Variants in SCN11A observed in about 807,000 individuals in gnomAD.
SCN11A encodes sodium voltage-gated channel alpha subunit 11, also known as sodium channel protein type 11 subunit alpha.
In SCN11A, 122 loss-of-function variants were observed where a neutral mutation model predicts 162.2. That is an observed-to-expected ratio of 0.75 (90% CI 0.65 to 0.87). The LOEUF (loss-of-function observed/expected upper bound fraction) is 0.87. Ranked by LOEUF, SCN11A falls within the 40% of genes least tolerant of loss-of-function variation. SCN11A has a pLI of 0.00. For synonymous variants in SCN11A, 758 were observed against 751.5 expected (o/e 1.01, Z -0.14); for missense variants, 2,015 against 2,181.6 (o/e 0.92, Z 1.52).
At chr3:38,928,536 A>C (rs2066179936) in intron 7 of SCN11A, among the ~76,000 whole-genome samples, 2 of 152,198 alleles carry the variant, frequency 1.3e-5, no homozygotes, top group Admixed American at 6.5e-5. Context: ...TTACAGTAAA[A>C]TAAAATTAAA....
At chr3:39,041,429 C>T (rs1030727453) in intron 1 of SCN11A, among the ~76,000 whole-genome samples, 1 of 151,950 alleles carries the variant, frequency 6.6e-6, no homozygotes, top group African/African-American at 2.4e-5. Flanking sequence ...AAGTCAAAGA[C>T]AAAGAGAGAA....
rs1442017584 is a variant in SCN11A, at chr3:38,936,622, T to C, written c.488+8789A>G. 5.4e-3 allele frequency among the ~76,000 whole-genome samples: 814 copies of C among 151,096 alleles called. 6 individuals carry two copies. Among genetic ancestry groups the C allele is most frequent in the African/African-American group, 0.015 (630 of 41,132 alleles). On this transcript the variant is annotated intron_variant, in intron 7 of 29. Transcript: ENST00000302328. ...ATCATGAGTGAACTCCCATTCACAA[T>C]TGCTTCAAAGAGAATAAAATACCTA... is the stretch of plus-strand genomic sequence containing the variant.
At chr3:38,895,315 A>C (rs1281498343) in intron 18 of SCN11A, among the ~76,000 whole-genome samples, 4 of 152,146 alleles carry the variant, frequency 2.6e-5, no homozygotes, top group African/African-American at 9.7e-5. Flanking sequence ...GTGAGCTTTG[A>C]TTTTTGCTGG....
intron 3 of SCN11A, among the ~76,000 whole-genome samples, chr3:38,954,651 C>CA (rs57304690): frequency 0.016 from 2,415 of 151,382 alleles, 67 homozygotes; most frequent in African/African-American, 0.056. Flanking sequence ...AACAAACAAA[C>CA]AAAAAAACAA....
intron 19 of SCN11A, among the ~76,000 whole-genome samples, chr3:38,886,985 T>G (rs888209270): frequency 2.6e-5 from 4 of 152,166 alleles, no homozygotes; most frequent in Non-Finnish European, 5.9e-5. Flanking sequence ...AACCTGCATA[T>G]GTGTTACCTC....
At chr3:39,022,893 TAAATA>T (rs1299994268) in intron 2 of SCN11A, among the ~76,000 whole-genome samples, 1 of 151,528 alleles carries the variant, frequency 6.6e-6, no homozygotes, top group African/African-American at 2.4e-5. Context: ...AAAAAATAAA[TAAATA>T]AAATAAAATA....
At chr3:38,905,364 CCT>C in intron 14 of SCN11A, 43 bp from the exon 15 acceptor site, 1 of 1,591,350 alleles carries the variant, frequency 6.3e-7, no homozygotes, top group Non-Finnish European at 8.6e-7. Context: ...ACAGGGGCTG[CCT>C]CTCCTCAAAA....
At chr3:39,042,957 C>CAAAAAAAAAAAA (rs561204433) in intron 1 of SCN11A, among the ~76,000 whole-genome samples, 8 of 65,968 alleles carry the variant, frequency 1.2e-4, no homozygotes, top group Non-Finnish European at 2.0e-4. Context: ...AACTCCATCT[C>CAAAAAAAAAAAA]AAAAAAAAAA....
At chr3:38,887,617 T>A (rs2065424753) in intron 19 of SCN11A, among the ~76,000 whole-genome samples, 1 of 151,976 alleles carries the variant, frequency 6.6e-6, no homozygotes, top group Non-Finnish European at 1.5e-5. Flanking sequence ...AAAAATAAAA[T>A]AAAATAAAAA....
At chr3:38,945,388 G>T (rs781386169) in intron 7 of SCN11A, 23 bp downstream of exon 7, 8 of 1,509,820 alleles carry the variant, frequency 5.3e-6, no homozygotes, top group Non-Finnish European at 6.4e-6. Context: ...CTTAGGACAG[G>T]TGAGTGAAGG....
At chr3:38,963,428 TATATATATATATATATGATGGAG>T (rs1559558365) in intron 2 of SCN11A, among the ~76,000 whole-genome samples, 20 of 74,966 alleles carry the variant, frequency 2.7e-4, no homozygotes, top group African/African-American at 1.4e-3. Flanking sequence ...GATGGAGATA[TATATATATATATATATGATGGAG>T]ATATATATAT....
intron 2 of SCN11A, among the ~76,000 whole-genome samples, chr3:38,979,836 GA>G (rs1341163806): frequency 2.6e-5 from 4 of 152,166 alleles, no homozygotes; most frequent in Admixed American, 2.6e-4. Flanking sequence ...CCTCTTAGCT[GA>G]AAAACTGGGA....
At chr3:38,881,196 C>T (rs1440173258) in intron 22 of SCN11A, among the ~76,000 whole-genome samples, 1 of 152,220 alleles carries the variant, frequency 6.6e-6, no homozygotes, top group Admixed American at 6.5e-5. Context: ...CCCGTTCCAG[C>T]AGGATTGGGT....
rs2066150170 is a variant in SCN11A at position 38,926,844 on chromosome 3, T to C, written c.576A>G (p.Arg192=). Reference sequence around the variant, plus strand: ...TGGAGTCCAGCCAGTTCCATGGATCTCGAAGGAAAGAAAACTCATCCAGAA... The same window carrying C: ...TGGAGTCCAGCCAGTTCCATGGATCCCGAAGGAAAGAAAACTCATCCAGAA... The part of the protein sequence containing the change: ...GFILDEFSFL[R]DPWNWLDSIV... The change falls in exon 8 of 30, where the codon CGA becomes CGG. Residue 192 remains arginine, a synonymous_variant. Coordinates refer to ENST00000302328, the MANE Select transcript of SCN11A (RefSeq NM_001349253.2). The C allele has an allele frequency of 6.2e-7, 1 of 1,613,642 alleles. No homozygotes were observed. Among genetic ancestry groups the C allele is most frequent in the Non-Finnish European group, 8.5e-7 (1 of 1,179,662 alleles).
chr3:38,963,495 T>G (rs1436839109), intron 2 of SCN11A, among the ~76,000 whole-genome samples: 3 of 145,680 alleles, frequency 2.1e-5, no homozygotes, highest in Non-Finnish European at 4.5e-5. Context: ...ATGATGGAGA[T>G]ATATATATAT....
intron 28 of SCN11A, among the ~76,000 whole-genome samples, chr3:38,852,081 G>A (rs2064791165): frequency 6.6e-6 from 1 of 152,092 alleles, no homozygotes; most frequent in South Asian, 2.1e-4. Context: ...AGTTTGGAGT[G>A]CAGGTACAGA....
intron 2 of SCN11A, among the ~76,000 whole-genome samples, chr3:39,020,174 G>A (rs1004527054): frequency 6.6e-6 from 1 of 152,174 alleles, no homozygotes; most frequent in Non-Finnish European, 1.5e-5. Flanking sequence ...ATAAGTATCT[G>A]GGAAGCCTTA....
Position 38,896,910 on chromosome 3 carries a change from C to T in SCN11A, c.2338G>A (p.Ala780Thr). 2 of 1,613,500 alleles carry T rather than the reference C, an allele frequency of 1.2e-6. No homozygotes were observed. The highest frequency in any genetic ancestry group is 2.2e-5 in the East Asian group (1 of 44,844). ...ACACACAATGATGATGATGCATTCG[C>T]TTCTTGCATACATTCCCACATATTT... Reference protein sequence around the residue: ...IENMWECMQEANASSSLCVIV... With the variant: ...IENMWECMQETNASSSLCVIV... The change falls in exon 18 of 30, where the codon GCG (alanine) becomes ACG (threonine). Residue 780 changes from alanine to threonine, a missense_variant. Ala to Thr is a moderately conservative substitution (Grantham distance 58). Coordinates refer to ENST00000302328, the MANE Select transcript of SCN11A (RefSeq NM_001349253.2).
At chr3:39,023,685 C>T (rs1005411586) in intron 2 of SCN11A, among the ~76,000 whole-genome samples, 3 of 151,802 alleles carry the variant, frequency 2.0e-5, no homozygotes, top group Non-Finnish European at 4.4e-5. Flanking sequence ...CTCTGTCACC[C>T]AGGCTGGAGT....
Sources: allele counts gnomAD v4.1 joint callset (sites outside exome capture counted in the v4.1 genomes callset), GRCh38; gene constraint gnomAD v4.1.1; transcripts MANE v1.5; gene names NCBI Gene and HGNC (gene_info 2026-07-23, HGNC 2026-07-21).